ZNF385D: variants seen among roughly 807,000 people sequenced by gnomAD.
The protein encoded by ZNF385D is zinc finger protein 385D.
In ZNF385D, 15 loss-of-function variants were observed where a neutral mutation model predicts 35.8. The observed-to-expected ratio is 0.42, with a 90% CI of 0.28 to 0.64. The LOEUF (loss-of-function observed/expected upper bound fraction) is 0.64, where lower values mean the gene tolerates loss of function less well. ZNF385D is among the 30% of genes least tolerant of loss of function. ZNF385D has a pLI of 0.23. For missense variants in ZNF385D, 474 were observed against 494.6 expected (o/e 0.96, Z 0.39); for synonymous variants, 212 against 186.8 (o/e 1.13, Z -1.10).
intron 3 of ZNF385D, among the ~76,000 whole-genome samples, chr3:21,860,141 T>C (rs1290862349): frequency 6.6e-6 from 1 of 152,092 alleles, no homozygotes. Flanking sequence ...AAGTATATTC[T>C]TTTATGCAAA....
chr3:22,308,742 C>A (rs1300266796), intron 2 of ZNF385D, among the ~76,000 whole-genome samples: 1 of 152,050 alleles, frequency 6.6e-6, no homozygotes, highest in Non-Finnish European at 1.5e-5. Flanking sequence ...CAAAAGAGGC[C>A]ATATTGCAGA....
Position 21,964,058 on chromosome 3 carries a change from A to T in ZNF385D, c.325+204759T>A, listed in dbSNP as rs180889519. Among the ~76,000 whole-genome samples, 525 of 152,226 alleles carry T rather than the reference A, an allele frequency of 3.4e-3. 2 individuals are homozygous for T. Among genetic ancestry groups the T allele is most frequent in the Middle Eastern group, 6.8e-3 (2 of 294 alleles). ...CAAAGTATTCTGCACAATGCTTTGG[A>T]ATATAATAAAAGGTGGTTATCATCA... On this transcript the variant is annotated intron_variant, in intron 3 of 5. Transcript: ENST00000494108.
At position 22,196,482 on chromosome 3, in the gene ZNF385D, C is replaced by T. The variant is rs538813300; in HGVS notation, c.107-27447G>A. On this transcript the variant is annotated intron_variant, in intron 2 of 5. Coordinates refer to the ZNF385D transcript ENST00000494108. ...CTATTTTCTCCTTTCATTCTTTTTT[C>T]TTTCTCTTGCATTTTGACTGAACTA... Among the ~76,000 whole-genome samples the T allele has an allele frequency of 5.9e-5, 9 of 151,844 alleles. No homozygotes were observed. In the East Asian group the frequency reaches 1.4e-3, roughly 23 times the overall value.
At chr3:21,484,437 G>A (rs1267982599) in intron 4 of ZNF385D, among the ~76,000 whole-genome samples, 2 of 152,168 alleles carry the variant, frequency 1.3e-5, no homozygotes, top group Non-Finnish European at 2.9e-5. Flanking sequence ...TGCACCGCAG[G>A]AGTCTGGTCA....
chr3:21,565,924 C>T (rs2063129808), intron 2 of ZNF385D, among the ~76,000 whole-genome samples: 1 of 152,148 alleles, frequency 6.6e-6, no homozygotes, highest in Non-Finnish European at 1.5e-5. Context: ...ATTAATTCCC[C>T]TAAACAAGCC....
At chr3:21,937,717 A>G (rs1403488632) in intron 3 of ZNF385D, among the ~76,000 whole-genome samples, 1 of 152,220 alleles carries the variant, frequency 6.6e-6, no homozygotes, top group African/African-American at 2.4e-5. Context: ...GATGTGAACA[A>G]GAAAAAAATG....
At chr3:21,524,276 A>C (rs1455896386) in intron 3 of ZNF385D, among the ~76,000 whole-genome samples, 2 of 152,208 alleles carry the variant, frequency 1.3e-5, no homozygotes, top group African/African-American at 4.8e-5. Flanking sequence ...TCAGCAACAG[A>C]TGGTAACTGA....
intron 3 of ZNF385D, among the ~76,000 whole-genome samples, chr3:21,817,394 G>T (rs887591617): frequency 6.6e-6 from 1 of 152,036 alleles, no homozygotes; most frequent in Non-Finnish European, 1.5e-5. Context: ...GAGTGAACAG[G>T]CAACCTACAG....
chr3:21,443,127 A>G lies in ZNF385D; in HGVS notation c.440-5924T>C, dbSNP rs114792505. The G allele has an allele frequency of 6.1e-3, 6,041 of 985,122 alleles. 186 individuals carry two copies. The Admixed American group carries it at 0.093, about 15-fold the overall frequency. The allele number at this position is 985,122 out of a possible 1,614,324, so 61.0% of individuals were successfully genotyped here. On this transcript the variant is annotated intron_variant, in intron 4 of 7. Transcript: ENST00000281523. ...GGCCTAGAAATCCCAAAGCCACCAA[A>G]TGAGGCTGTGGAGAAATCAAGTGCT...
chr3:21,517,907 C>A (rs1190762237), intron 3 of ZNF385D, among the ~76,000 whole-genome samples: 1 of 152,164 alleles, frequency 6.6e-6, no homozygotes, highest in Non-Finnish European at 1.5e-5. Context: ...CCCAGACCAG[C>A]AATCTTAACA....
intron 3 of ZNF385D, among the ~76,000 whole-genome samples, chr3:21,808,699 G>A (rs2072765852): frequency 6.6e-6 from 1 of 152,158 alleles, no homozygotes; most frequent in African/African-American, 2.4e-5. Flanking sequence ...GTAGGGGAAG[G>A]GTTATGGACA....
intron 3 of ZNF385D, among the ~76,000 whole-genome samples, chr3:22,136,238 A>G (rs1006263278): frequency 1.3e-5 from 2 of 152,148 alleles, no homozygotes; most frequent in African/African-American, 4.8e-5. Context: ...TAAAAACAAA[A>G]TTAGCTGGGC....
chr3:21,730,392 T>C (rs2068940974), intron 1 of ZNF385D, among the ~76,000 whole-genome samples: 1 of 152,246 alleles, frequency 6.6e-6, no homozygotes, highest in Non-Finnish European at 1.5e-5. Context: ...TTGCACATTT[T>C]TAAGCCATTT....
chr3:21,897,847 T>G (rs1419044475), intron 3 of ZNF385D, among the ~76,000 whole-genome samples: 1 of 152,164 alleles, frequency 6.6e-6, no homozygotes, highest in African/African-American at 2.4e-5. Flanking sequence ...ACTGGAGTCT[T>G]ATCTTAGTGT....
intron 2 of ZNF385D, among the ~76,000 whole-genome samples, chr3:22,309,504 G>A (rs2125425291): frequency 6.6e-6 from 1 of 152,002 alleles, no homozygotes; most frequent in South Asian, 2.1e-4. Context: ...TTAATATAAG[G>A]TCAAAAACAT....
rs78574477 is a variant in ZNF385D at position 21,918,798 on chromosome 3, C to G, written c.325+250019G>C. 2.0e-5 allele frequency among the ~76,000 whole-genome samples: 3 copies of G among 152,188 alleles called. No individual in the cohort carries two copies. The East Asian group carries it at 5.8e-4, about 29-fold the overall frequency. ...GTCACTTTATCTTCCTATTTTTAAT[C>G]ATTTTAGTTAAATTTTCAGAATGAA... On this transcript the variant is annotated intron_variant, in intron 3 of 5. Coordinates refer to the ZNF385D transcript ENST00000494108.
intron 2 of ZNF385D, among the ~76,000 whole-genome samples, chr3:22,284,426 G>A (rs1701922948): frequency 6.6e-6 from 1 of 151,902 alleles, no homozygotes; most frequent in Non-Finnish European, 1.5e-5. Flanking sequence ...TCCTGACCTT[G>A]TGATCTGCCT....
At chr3:21,467,312 T>C (rs771371006) in intron 4 of ZNF385D, among the ~76,000 whole-genome samples, 3 of 152,302 alleles carry the variant, frequency 2.0e-5, no homozygotes, top group South Asian at 2.1e-4. Context: ...TATTAGGAGT[T>C]TAGAAAATAT....
chr3:22,099,869 A>G (rs1448850496), intron 3 of ZNF385D, among the ~76,000 whole-genome samples: 2 of 152,028 alleles, frequency 1.3e-5, no homozygotes, highest in Non-Finnish European at 2.9e-5. Context: ...TGTAGAATGT[A>G]TAGAATATTA....
Sources: gnomAD v4.1 joint callset for allele counts (sites outside exome capture counted in the v4.1 genomes callset) on GRCh38, gnomAD v4.1.1 for gene constraint, MANE v1.5 for transcripts, NCBI Gene and HGNC (gene_info 2026-07-23, HGNC 2026-07-21) for gene names.